PDE3B: variants seen among roughly 807,000 people sequenced by gnomAD.
PDE3B encodes phosphodiesterase 3B.
A neutral mutation model predicts 116.8 loss-of-function variants in PDE3B; 66 were observed. The observed-to-expected ratio is 0.56, with a 90% CI of 0.46 to 0.69. The LOEUF is 0.69. PDE3B is among the 30% of genes least tolerant of loss of function. The pLI is 0.00. For synonymous variants in PDE3B, 595 were observed against 533.6 expected, an observed-to-expected ratio of 1.12 and a Z score of -1.59; for missense variants, 1,384 against 1,368.1, an observed-to-expected ratio of 1.01 and a Z score of -0.18.
At chr11:14,654,752 C>T (rs1404158322) in intron 1 of PDE3B, among the ~76,000 whole-genome samples, 1 of 150,812 alleles carries the variant, frequency 6.6e-6, no homozygotes, top group Admixed American at 6.6e-5. Context: ...AAGAGTTTGA[C>T]TTTAAATCTT....
At chr11:14,779,271 C>G (rs1415981137) in intron 2 of PDE3B, among the ~76,000 whole-genome samples, 1 of 152,126 alleles carries the variant, frequency 6.6e-6, no homozygotes, top group Non-Finnish European at 1.5e-5. Flanking sequence ...AGAACTTCCC[C>G]AACCTAGCAA....
chr11:14,891,325 T>C, the PDE3B span: 1 of 985,432 alleles, frequency 1.0e-6, no homozygotes, highest in Non-Finnish European at 1.2e-6. Flanking sequence ...TTTAAGTATC[T>C]GCTAAGGTGC....
At chr11:14,821,119 G>A (rs933562765) in intron 7 of PDE3B, among the ~76,000 whole-genome samples, 1 of 152,200 alleles carries the variant, frequency 6.6e-6, no homozygotes, top group Non-Finnish European at 1.5e-5. Context: ...CTGAAGGATT[G>A]ATTGGGCAGA....
intron 1 of PDE3B, among the ~76,000 whole-genome samples, chr11:14,692,795 A>T (rs1032414148): frequency 6.6e-6 from 1 of 152,146 alleles, no homozygotes; most frequent in African/African-American, 2.4e-5. Context: ...TGGGCCGATT[A>T]ATAATCCTAC....
chr11:14,660,304 CTTTT>C (rs761213939), intron 1 of PDE3B, among the ~76,000 whole-genome samples: 1 of 140,566 alleles, frequency 7.1e-6, no homozygotes, highest in Non-Finnish European at 1.6e-5. Context: ...TTCTAATATT[CTTTT>C]TTTTTTTTTT....
chr11:14,880,468 C>T, the PDE3B span: 1 of 1,613,352 alleles, frequency 6.2e-7, no homozygotes, highest in African/African-American at 1.3e-5. Flanking sequence ...GACTGAGGCA[C>T]TGGCAGCTAG....
At chr11:14,754,567 A>G (rs979624110) in intron 1 of PDE3B, among the ~76,000 whole-genome samples, 2 of 152,164 alleles carry the variant, frequency 1.3e-5, no homozygotes, top group African/African-American at 2.4e-5. Context: ...CAATTTATCT[A>G]TTTTATACAT....
intron 5 of PDE3B, among the ~76,000 whole-genome samples, chr11:14,810,565 C>T: frequency 6.6e-6 from 1 of 151,826 alleles, no homozygotes; most frequent in East Asian, 1.9e-4. Context: ...TCCAGTCTAT[C>T]ATTGTTGGAC....
chr11:14,763,681 A>C (rs1189586119), intron 1 of PDE3B, among the ~76,000 whole-genome samples: 8 of 152,174 alleles, frequency 5.3e-5, no homozygotes, highest in Non-Finnish European at 8.8e-5. Context: ...GAGCACAGAC[A>C]GTTCATCTGT....
chr11:14,844,676 G>A (rs1445551240), intron 12 of PDE3B, among the ~76,000 whole-genome samples: 2 of 152,230 alleles, frequency 1.3e-5, no homozygotes, highest in Non-Finnish European at 2.9e-5. Flanking sequence ...GGCGCACCAG[G>A]AGATTACATC....
At chr11:14,680,163 C>G (rs1168636483) in intron 1 of PDE3B, among the ~76,000 whole-genome samples, 1 of 152,196 alleles carries the variant, frequency 6.6e-6, no homozygotes, top group East Asian at 1.9e-4. Flanking sequence ...GGACCTCAAC[C>G]TCTCTGAAGG....
Position 14,786,462 on chromosome 11 carries a change from A to T in PDE3B, c.1055A>T (p.Asp352Val). Reference sequence around the variant, plus strand: ...AATTCTGGAGGTGGAAATGGAGTTGATCTTTCAGTGCTAAATGAGGCTCGC... The same window carrying T: ...AATTCTGGAGGTGGAAATGGAGTTGTTCTTTCAGTGCTAAATGAGGCTCGC... Reference protein sequence around the residue: ...YQNSGGGNGVDLSVLNEARNM... With the variant: ...YQNSGGGNGVVLSVLNEARNM... Residue 352 changes from aspartate to valine, a missense_variant, in exon 3 of 16, where the codon GAT becomes GTT. By Grantham distance (152) the Asp-to-Val change is radical. Transcript: ENST00000282096. The T allele has an allele frequency of 6.2e-7, 1 of 1,611,994 alleles. No homozygotes were observed. The highest frequency in any genetic ancestry group is 1.1e-5 in the South Asian group (1 of 90,902).
At chr11:14,816,154 C>T (rs1169534187) in intron 5 of PDE3B, among the ~76,000 whole-genome samples, 1 of 152,168 alleles carries the variant, frequency 6.6e-6, no homozygotes, top group Non-Finnish European at 1.5e-5. Flanking sequence ...AGTCTTTTCT[C>T]ATAAGGCCCT....
intron 1 of PDE3B, among the ~76,000 whole-genome samples, chr11:14,702,485 G>A (rs546957321): frequency 6.6e-6 from 1 of 151,892 alleles, no homozygotes; most frequent in East Asian, 1.9e-4. Flanking sequence ...AGAGAATAAG[G>A]AGGTGAGACA....
intron 1 of PDE3B, among the ~76,000 whole-genome samples, chr11:14,655,033 C>T (rs1021481427): frequency 3.3e-5 from 5 of 151,974 alleles, no homozygotes; most frequent in African/African-American, 7.3e-5. Flanking sequence ...GATACTACCA[C>T]GAATCACAAT....
intron 1 of PDE3B, among the ~76,000 whole-genome samples, chr11:14,737,886 G>C (rs1455183206): frequency 6.6e-6 from 1 of 151,008 alleles, no homozygotes; most frequent in African/African-American, 2.4e-5. Flanking sequence ...TTTTGTCCTT[G>C]GGGTAGTTTA....
intron 2 of PDE3B, among the ~76,000 whole-genome samples, chr11:14,785,750 C>T (rs1433229001): frequency 2.0e-5 from 3 of 151,952 alleles, no homozygotes; most frequent in African/African-American, 7.2e-5. Flanking sequence ...TTGCCTGATG[C>T]TACCCTGTCT....
intron 12 of PDE3B, among the ~76,000 whole-genome samples, chr11:14,844,830 T>C (rs1317357168): frequency 1.3e-5 from 2 of 152,168 alleles, no homozygotes; most frequent in African/African-American, 2.4e-5. Flanking sequence ...ACAAAGCAGC[T>C]GGGAAGCTCG....
chr11:14,736,141 A>T (rs1856591922), intron 1 of PDE3B, among the ~76,000 whole-genome samples: 1 of 152,198 alleles, frequency 6.6e-6, no homozygotes. Context: ...TGGGATTGAT[A>T]GGATGGGCTT....
Sources: gnomAD v4.1 joint callset for allele counts (sites outside exome capture counted in the v4.1 genomes callset) on GRCh38, gnomAD v4.1.1 for gene constraint, MANE v1.5 for transcripts, NCBI Gene and HGNC (gene_info 2026-07-23, HGNC 2026-07-21) for gene names.